The following GOLPH3L variants were observed in gnomAD, a reference collection of about 807,000 sequenced individuals.
GOLPH3L encodes Golgi phosphoprotein 3-like.
GOLPH3L carries 22 observed loss-of-function variants against 30.3 expected under a neutral mutation model. The ratio of observed to expected loss-of-function variants is 0.73; its 90% confidence interval spans 0.52 to 1.04. GOLPH3L has a LOEUF of 1.04. Among genes scored for constraint, GOLPH3L ranks in the 50% least tolerant of loss-of-function variants. GOLPH3L has a pLI of 0.00. For synonymous variants in GOLPH3L, 120 were observed against 128.2 expected, an observed-to-expected ratio of 0.94 and a Z score of 0.43; for missense variants, 303 against 345.8, an observed-to-expected ratio of 0.88 and a Z score of 0.98.
intron 2 of GOLPH3L, among the ~76,000 whole-genome samples, chr1:150,664,333 A>G (rs1018302196): frequency 1.3e-5 from 2 of 152,010 alleles, no homozygotes; most frequent in African/African-American, 4.8e-5. Context: ...TTTTGAGGAG[A>G]ATTTTGGCTT....
At chr1:150,682,990 G>A (rs1650992202) in intron 2 of GOLPH3L, among the ~76,000 whole-genome samples, 2 of 152,158 alleles carry the variant, frequency 1.3e-5, no homozygotes, top group South Asian at 4.1e-4. Context: ...GTGTCTAGCT[G>A]TATGGTTACT....
chr1:150,660,686 T>C (rs1650348978), intron 4 of GOLPH3L, among the ~76,000 whole-genome samples: 1 of 152,114 alleles, frequency 6.6e-6, no homozygotes, highest in Non-Finnish European at 1.5e-5. Flanking sequence ...GGGAAAGTAA[T>C]GACAGATATT....
Position 150,646,660 on chromosome 1 carries a change from G to A in GOLPH3L, c.*1661C>T, listed in dbSNP as rs1571028642. 1 of 152,308 alleles carries A rather than the reference G, an allele frequency of 6.6e-6. No homozygotes were observed. The highest frequency in any genetic ancestry group is 2.4e-5 in the African/African-American group (1 of 41,568). 9.4% of individuals were successfully genotyped at this position (152,308 alleles called of 1,614,324 possible). ...AGCTGGGGCATTTTTGTGGGGCTAA[G>A]TAGATTTGGCAGAGGAGAGAAATGA... On this transcript the variant is annotated 3_prime_UTR_variant, in exon 5 of 5. Transcript: ENST00000271732.
chr1:150,690,629 AT>A (rs1029302132), intron 2 of GOLPH3L, among the ~76,000 whole-genome samples: 1 of 152,126 alleles, frequency 6.6e-6, no homozygotes, highest in African/African-American at 2.4e-5. Context: ...GAATTTACTG[AT>A]TTTGAATCCC....
At chr1:150,663,521 G>C (rs1650421924) in intron 3 of GOLPH3L, 111 bp downstream of exon 3, 11 of 964,856 alleles carry the variant, frequency 1.1e-5, no homozygotes, top group Non-Finnish European at 1.5e-5. Context: ...TGGAACTGCT[G>C]AGTCAGTGAT....
At chr1:150,692,553 T>C (rs1223978308) in intron 2 of GOLPH3L, among the ~76,000 whole-genome samples, 2 of 152,156 alleles carry the variant, frequency 1.3e-5, no homozygotes, top group Non-Finnish European at 2.9e-5. Flanking sequence ...GTCCAGCTAA[T>C]TTTTTTGTTT....
At chr1:150,671,806 C>CAAAAA (rs397793655) in intron 2 of GOLPH3L, among the ~76,000 whole-genome samples, 3 of 47,154 alleles carry the variant, frequency 6.4e-5, no homozygotes, top group African/African-American at 9.1e-5. Flanking sequence ...AACTCCGTCT[C>CAAAAA]AAAAAAAAAA....
intron 2 of GOLPH3L, among the ~76,000 whole-genome samples, chr1:150,682,347 G>C (rs762123946): frequency 7.9e-5 from 12 of 151,894 alleles, no homozygotes; most frequent in Non-Finnish European, 1.5e-4. Context: ...CTCATGGAGG[G>C]CCAGGAGCGG....
At chr1:150,659,482 A>AGCCCGTCCCTTTATTTCG (rs1650321332) in intron 4 of GOLPH3L, among the ~76,000 whole-genome samples, 1 of 152,224 alleles carries the variant, frequency 6.6e-6, no homozygotes, top group Non-Finnish European at 1.5e-5. Context: ...AACTAGCCAG[A>AGCCCGTCCCTTTATTTCG]GCCCGTCCCT....
At chr1:150,663,841 CGCTTT>C (rs1650432203) in intron 2 of GOLPH3L, 78 bp from the exon 3 acceptor site, 1 of 1,239,244 alleles carries the variant, frequency 8.1e-7, no homozygotes, top group Non-Finnish European at 1.2e-6. Context: ...AAGAACAGGC[CGCTTT>C]GTTGTGATTC....
At chr1:150,684,170 C>T (rs1651031254) in intron 2 of GOLPH3L, among the ~76,000 whole-genome samples, 1 of 152,070 alleles carries the variant, frequency 6.6e-6, no homozygotes, top group African/African-American at 2.4e-5. Flanking sequence ...GAAACCAAAC[C>T]CATCAATCTT....
chr1:150,670,393 C>G (rs201998350), intron 2 of GOLPH3L, among the ~76,000 whole-genome samples: 1 of 152,114 alleles, frequency 6.6e-6, no homozygotes, highest in South Asian at 2.1e-4. Context: ...GTCAGGAGAT[C>G]GAGACCATCC....
At chr1:150,661,965 TCA>T in intron 3 of GOLPH3L, 37 bp from the exon 4 acceptor site, 14 of 879,052 alleles carry the variant, frequency 1.6e-5, no homozygotes, top group Non-Finnish European at 2.5e-5. Context: ...CCTGATTCCT[TCA>T]CTTCATTCAA....
At chr1:150,665,510 A>T (rs587689993) in intron 2 of GOLPH3L, among the ~76,000 whole-genome samples, 43 of 152,194 alleles carry the variant, frequency 2.8e-4, no homozygotes, top group East Asian at 2.1e-3. Context: ...TATTTAAAAA[A>T]TTTTTTAATT....
At chr1:150,686,148 C>CCT (rs1651081909) in intron 2 of GOLPH3L, among the ~76,000 whole-genome samples, 2 of 152,130 alleles carry the variant, frequency 1.3e-5, no homozygotes, top group African/African-American at 2.4e-5. Context: ...GCTAGGATTA[C>CCT]AGGCGTGAGC....
chr1:150,659,446 C>T (rs889497522), intron 4 of GOLPH3L, among the ~76,000 whole-genome samples: 9 of 152,204 alleles, frequency 5.9e-5, no homozygotes, highest in African/African-American at 2.2e-4. Context: ...AGATCCGTGC[C>T]TTAAGGACAT....
At chr1:150,694,225 C>G (rs764940502) in intron 2 of GOLPH3L, 3 of 400,722 alleles carry the variant, frequency 7.5e-6, no homozygotes, top group African/African-American at 6.4e-5. Context: ...TATAAGAAAC[C>G]TACCAATTGT....
intron 4 of GOLPH3L, among the ~76,000 whole-genome samples, chr1:150,656,899 A>C (rs1163037953): frequency 6.6e-6 from 1 of 152,194 alleles, no homozygotes; most frequent in Non-Finnish European, 1.5e-5. Flanking sequence ...AGAATAACTA[A>C]ATTTAAACCA....
rs1474808746 is a variant in GOLPH3L, at chr1:150,685,892, T to TTG, written c.183+8763_183+8764insCA. On this transcript the variant is annotated intron_variant, in intron 2 of 4. Transcript: ENST00000271732. ...AGTATGTCTTTTTTTTTTTTTTTTT[T>TTG]GAGACAGAGTCTTGCTCTGTTGCCC... is the stretch of plus-strand genomic sequence containing the variant. Among the ~76,000 whole-genome samples, 150 of 128,942 alleles carry TTG rather than the reference T, an allele frequency of 1.2e-3. 1 individual carries two copies. The highest frequency in any genetic ancestry group is 4.1e-3 in the African/African-American group (148 of 36,236). The allele number at this position is 128,942 out of a possible 152,430, so 84.6% of individuals were successfully genotyped here.
Sources: gnomAD v4.1 joint callset for allele counts (sites outside exome capture counted in the v4.1 genomes callset) on GRCh38, gnomAD v4.1.1 for gene constraint, MANE v1.5 for transcripts, NCBI Gene and HGNC (gene_info 2026-07-23, HGNC 2026-07-21) for gene names.